MYO16: variants seen among roughly 807,000 people sequenced by gnomAD.
MYO16 encodes myosin XVI, also known as unconventional myosin-XVI.
MYO16 carries 94 observed loss-of-function variants against 205.3 expected under a neutral mutation model. The ratio of observed to expected loss-of-function variants is 0.46; its 90% CI spans 0.39 to 0.54. MYO16 has a LOEUF of 0.54. Ranked by LOEUF, MYO16 falls within the 20% of genes least tolerant of loss-of-function variation. The pLI is 0.00. For missense variants in MYO16, 2,315 were observed against 2,387.5 expected (o/e 0.97, Z 0.63); for synonymous variants, 988 against 954.0 (o/e 1.04, Z -0.66).
At chr13:108,751,336 AT>A (rs1348249430) in intron 4 of MYO16, among the ~76,000 whole-genome samples, 2 of 152,210 alleles carry the variant, frequency 1.3e-5, no homozygotes, top group African/African-American at 4.8e-5. Context: ...CATCAAAGAA[AT>A]TCAGAGCCAA....
chr13:109,128,793 C>T lies in MYO16; in HGVS notation c.4051+1243C>T, dbSNP rs61244441. ...GTTTTTTTTTTTTTTTTTTTTGAGACGGACTTTCACTCTTGTTGCTTAGGC... is the reference window on the plus strand; with the variant it reads ...GTTTTTTTTTTTTTTTTTTTTGAGATGGACTTTCACTCTTGTTGCTTAGGC... On this transcript the variant is annotated intron_variant, in intron 31 of 34. Transcript: ENST00000457511. Among the ~76,000 whole-genome samples, 441 of 115,098 alleles carry T rather than the reference C, an allele frequency of 3.8e-3. 1 individual carries two copies. The highest frequency in any genetic ancestry group is 0.015 in the African/African-American group (407 of 27,238). The allele number at this position is 115,098 out of a possible 152,430, so 75.5% of individuals were successfully genotyped here.
chr13:109,041,319 G>C (rs1466415926), intron 23 of MYO16, among the ~76,000 whole-genome samples: 1 of 152,142 alleles, frequency 6.6e-6, no homozygotes, highest in East Asian at 1.9e-4. Context: ...ATAGGCTAAT[G>C]CATTCCTATC....
chr13:108,761,758 C>T (rs1212515033), intron 4 of MYO16, among the ~76,000 whole-genome samples: 1 of 152,188 alleles, frequency 6.6e-6, no homozygotes, highest in Non-Finnish European at 1.5e-5. Context: ...TTGTCCCCAC[C>T]TCCACCTTCT....
intron 3 of MYO16, among the ~76,000 whole-genome samples, chr13:108,712,983 T>C (rs1260089557): frequency 6.6e-6 from 1 of 152,212 alleles, no homozygotes; most frequent in East Asian, 1.9e-4. Flanking sequence ...AGTAAAATAA[T>C]ATTGTATCAA....
chr13:108,728,671 C>T (rs1884422366), intron 4 of MYO16, among the ~76,000 whole-genome samples: 1 of 152,216 alleles, frequency 6.6e-6, no homozygotes, highest in Non-Finnish European at 1.5e-5. Context: ...GTGTCCAAAT[C>T]TCTCATTCTT....
intron 4 of MYO16, among the ~76,000 whole-genome samples, chr13:108,734,051 T>C (rs1884611168): frequency 6.6e-6 from 1 of 152,256 alleles, no homozygotes. Flanking sequence ...CACAGATACT[T>C]AGCAAATACT....
intron 17 of MYO16, among the ~76,000 whole-genome samples, chr13:108,958,127 A>T (rs1428030102): frequency 6.8e-6 from 1 of 147,846 alleles, no homozygotes; most frequent in Non-Finnish European, 1.5e-5. Flanking sequence ...TATATACATT[A>T]TATATATTTT....
At chr13:108,952,524 T>G (rs1883196607) in intron 16 of MYO16, among the ~76,000 whole-genome samples, 2 of 152,228 alleles carry the variant, frequency 1.3e-5, no homozygotes, top group Admixed American at 1.3e-4. Flanking sequence ...AGTGGAGAAT[T>G]TGGCCCATCA....
chr13:108,615,841 C>T (rs1489957827), intron 1 of MYO16, among the ~76,000 whole-genome samples: 2 of 152,160 alleles, frequency 1.3e-5, no homozygotes, highest in African/African-American at 4.8e-5. Context: ...CAACTGTCTA[C>T]CTCCATACTA....
chr13:108,636,631 G>T (rs1880266422), intron 1 of MYO16, among the ~76,000 whole-genome samples: 2 of 152,016 alleles, frequency 1.3e-5, no homozygotes, highest in Non-Finnish European at 2.9e-5. Flanking sequence ...GCCCGCCTTG[G>T]CCTCCCAAAG....
At chr13:109,124,991 C>A in intron 29 of MYO16, 121 bp from the exon 30 acceptor site, 1 of 1,087,984 alleles carries the variant, frequency 9.2e-7, no homozygotes, top group Non-Finnish European at 1.3e-6. Flanking sequence ...AAGTCTTATT[C>A]TGGGTTAAAT....
At chr13:108,925,786 C>G (rs762015092) in intron 16 of MYO16, among the ~76,000 whole-genome samples, 2 of 152,192 alleles carry the variant, frequency 1.3e-5, no homozygotes, top group Non-Finnish European at 2.9e-5. Context: ...AGTCTTCAAG[C>G]CTTTCTGTTG....
At chr13:108,775,566 C>T (rs1297736353) in intron 4 of MYO16, among the ~76,000 whole-genome samples, 2 of 151,984 alleles carry the variant, frequency 1.3e-5, no homozygotes, top group East Asian at 3.9e-4. Flanking sequence ...GCTACTGATT[C>T]CTAACCTCGT....
Position 109,011,801 on chromosome 13 carries a change from C to T in MYO16, c.2595+2752C>T, listed in dbSNP as rs980969671. Among the ~76,000 whole-genome samples the T allele has an allele frequency of 2.0e-5, 3 of 152,110 alleles. No individual in the cohort carries two copies. In the East Asian group the frequency reaches 5.8e-4, roughly 30 times the overall value. ...TGCTGGGATTACAGGTGTGAGCCACCGTGCCTGGCCTGGATTTTCTTTAAT... is the reference window on the plus strand; with the variant it reads ...TGCTGGGATTACAGGTGTGAGCCACTGTGCCTGGCCTGGATTTTCTTTAAT... On this transcript the variant is annotated intron_variant, in intron 22 of 34. Coordinates refer to ENST00000457511, the MANE Select transcript of MYO16 (RefSeq NM_001198950.3).
chr13:109,061,143 G>T (rs908946123), intron 27 of MYO16, among the ~76,000 whole-genome samples: 7 of 152,054 alleles, frequency 4.6e-5, no homozygotes, highest in Admixed American at 2.6e-4. Context: ...TGAAGAGTTA[G>T]GGCCTTTCTC....
intron 16 of MYO16, among the ~76,000 whole-genome samples, chr13:108,929,044 A>G (rs1029644690): frequency 6.6e-6 from 1 of 152,234 alleles, no homozygotes; most frequent in Non-Finnish European, 1.5e-5. Context: ...CAAAAGGTAT[A>G]GTCACATATA....
chr13:108,990,917 C>T (rs540062929), intron 20 of MYO16, among the ~76,000 whole-genome samples: 1 of 152,082 alleles, frequency 6.6e-6, no homozygotes, highest in African/African-American at 2.4e-5. Context: ...AGTGCAAAGA[C>T]TGAGGTGGTT....
chr13:108,866,044 A>G, intron 11 of MYO16, 133 bp from the exon 12 acceptor site: 2 of 527,500 alleles, frequency 3.8e-6, no homozygotes, highest in Non-Finnish European at 6.0e-6. Context: ...AATATTAAAA[A>G]ATAGCAAAAT....
intron 16 of MYO16, among the ~76,000 whole-genome samples, chr13:108,949,984 A>G (rs540399490): frequency 1.0e-4 from 15 of 145,626 alleles, no homozygotes; most frequent in African/African-American, 3.5e-4. Flanking sequence ...CATAGGCAAA[A>G]CAAGCAAAAA....
Sources: allele counts gnomAD v4.1 joint callset (sites outside exome capture counted in the v4.1 genomes callset), GRCh38; gene constraint gnomAD v4.1.1; transcripts MANE v1.5; gene names NCBI Gene and HGNC (gene_info 2026-07-23, HGNC 2026-07-21).